Variants in ATP1A4 observed in about 807,000 individuals in gnomAD.
The protein encoded by ATP1A4 is ATPase Na+/K+ transporting subunit alpha 4.
In ATP1A4, 90 loss-of-function variants were observed where a neutral mutation model predicts 114.3. The ratio of observed to expected loss-of-function variants is 0.79; its 90% CI spans 0.66 to 0.94. ATP1A4 has a LOEUF of 0.94. Among genes scored for constraint, ATP1A4 ranks in the 40% least tolerant of loss-of-function variants. The pLI is 0.00. For synonymous variants in ATP1A4, 511 were observed against 494.1 expected, an observed-to-expected ratio of 1.03 and a Z score of -0.45; for missense variants, 1,222 against 1,313.6, an observed-to-expected ratio of 0.93 and a Z score of 1.08.
rs1652768634 is a variant in ATP1A4 at position 160,158,915 on chromosome 1, G to A, written c.526-87G>A. 30 of 1,428,570 alleles carry A rather than the reference G, an allele frequency of 2.1e-5. No individual in the cohort carries two copies. In the South Asian group the frequency reaches 3.9e-4, roughly 19 times the overall value. The allele number at this position is 1,428,570 out of a possible 1,614,324, so 88.5% of individuals were successfully genotyped here. ...AGTAAGAAAGGGGAGTAAGGAGGAG[G>A]GAGACCAATAACAGAAGGTTTTAGG... On this transcript the variant is annotated intron_variant, in intron 4 of 21. Transcript: ENST00000368081.
intron 20 of ATP1A4, 147 bp downstream of exon 20, chr1:160,182,178 T>C (rs1262489829): frequency 1.5e-6 from 1 of 678,000 alleles, no homozygotes; most frequent in Non-Finnish European, 2.6e-6. Context: ...AGGAGAGTCA[T>C]CTGTGCTCTG....
chr1:160,154,942 A>G, intron 2 of ATP1A4, 103 bp from the exon 3 acceptor site: 2 of 1,044,252 alleles, frequency 1.9e-6, no homozygotes, highest in Non-Finnish European at 2.8e-6. Flanking sequence ...AAGCGTCTTT[A>G]GTCTCTAGAC....
intron 2 of ATP1A4, among the ~76,000 whole-genome samples, chr1:160,154,243 A>G (rs994496587): frequency 6.6e-6 from 1 of 152,044 alleles, no homozygotes. Flanking sequence ...AATCTCAGCT[A>G]CTTGGGAGGC....
chr1:160,167,547 CG>C (rs1653086000), intron 10 of ATP1A4, 135 bp downstream of exon 10: 5 of 1,213,866 alleles, frequency 4.1e-6, no homozygotes, highest in Non-Finnish European at 5.9e-6. Flanking sequence ...TCCCAATTAA[CG>C]GAAGACTCAC....
chr1:160,165,486 G>A (rs927224173), intron 7 of ATP1A4, among the ~76,000 whole-genome samples: 65 of 152,204 alleles, frequency 4.3e-4, no homozygotes, highest in Admixed American at 3.9e-4. Flanking sequence ...TCTGCCGGGC[G>A]CGGTGGCTCA....
In ATP1A4 at chr1:160,182,001, T is replaced by C. The variant is rs763745212; in HGVS notation, c.2939T>C (p.Met980Thr). 8 of 1,613,994 alleles carry C rather than the reference T, an allele frequency of 5.0e-6. No homozygotes were observed. The East Asian group carries it at 1.6e-4, about 31-fold the overall frequency. Residue 980 changes from methionine (M) to threonine (T), a missense_variant, in exon 20 of 22, where the codon ATG becomes ACG. Met to Thr is a moderately conservative substitution (Grantham distance 81, BLOSUM62 -1). Transcript: ENST00000368081. ...GCATTTCTGTCCTACACTCCAGGCATGGACGTGGCCCTGCGAATGTACCCA... is the reference window on the plus strand; with the variant it reads ...GCATTTCTGTCCTACACTCCAGGCACGGACGTGGCCCTGCGAATGTACCCA... ...LAAFLSYTPG[M>T]DVALRMYPLK...
At chr1:160,163,085 C>G (rs551388953) in intron 6 of ATP1A4, among the ~76,000 whole-genome samples, 3 of 152,266 alleles carry the variant, frequency 2.0e-5, no homozygotes, top group Admixed American at 2.0e-4. Flanking sequence ...ACAGCTTGCT[C>G]TTTGTGGGAA....
Position 160,159,452 on chromosome 1 carries a change from G to A in ATP1A4, c.704G>A (p.Arg235His), listed in dbSNP as rs757712281. ...SLTGESEPQS[R>H]SPDFTHENPL... is the part of the protein sequence containing the mutation. ...ACTGGGGAGTCAGAACCCCAGAGCC[G>A]CTCCCCTGACTTCACCCATGAGAAC... is the stretch of plus-strand genomic sequence containing the variant. Residue 235 changes from arginine to histidine, a missense_variant, in exon 6 of 22, where the codon CGC becomes CAC. Transcript: ENST00000368081. 3.7e-6 allele frequency: 6 copies of A among 1,613,820 alleles called. No individual in the cohort carries two copies. The highest frequency in any genetic ancestry group is 2.2e-5 in the South Asian group (2 of 91,022).
In ATP1A4 at chr1:160,173,036, G is replaced by A. The variant is rs867185580; in HGVS notation, c.1855-545G>A. Among the ~76,000 whole-genome samples, 20 of 152,246 alleles carry A rather than the reference G, an allele frequency of 1.3e-4. 1 individual carries two copies. The Middle Eastern group carries it at 0.014, about 104-fold the overall frequency. ...GCAAGTGCTGAAATATGGCAGGAACGGAATGCTGTGAAAGCACGTGGCCTG... is the reference window on the plus strand; with the variant it reads ...GCAAGTGCTGAAATATGGCAGGAACAGAATGCTGTGAAAGCACGTGGCCTG... On this transcript the variant is annotated intron_variant, in intron 12 of 21. Coordinates refer to ENST00000368081, the MANE Select transcript of ATP1A4 (RefSeq NM_144699.4).
rs998682376 is a variant in ATP1A4, at chr1:160,177,217, A to C, written c.2591-302A>C. On this transcript the variant is annotated intron_variant, in intron 17 of 21. Transcript: ENST00000368081. ...GATGAACAGAGTAAGATCCTGTCTC[A>C]AAAGAAAAAATTGGGAGAGGGAATC... Among the ~76,000 whole-genome samples the C allele has an allele frequency of 4.9e-4, 74 of 152,170 alleles. 2 individuals carry two copies. Among genetic ancestry groups the C allele is most frequent in the Admixed American group, 3.9e-3 (60 of 15,276 alleles).
intron 3 of ATP1A4, 61 bp downstream of exon 3, chr1:160,155,309 G>T: frequency 6.9e-7 from 1 of 1,451,798 alleles, no homozygotes. Flanking sequence ...ACACTCTTTT[G>T]CTCAGCAGCC....
At chr1:160,171,081 G>C in intron 10 of ATP1A4, 170 bp from the exon 11 acceptor site, 2 of 560,004 alleles carry the variant, frequency 3.6e-6, no homozygotes, top group Non-Finnish European at 6.2e-6. Context: ...TCTGGAAAAA[G>C]GAGGAGGGGC....
In ATP1A4 at chr1:160,156,134, G is replaced by A. The variant is rs1652646149; in HGVS notation, c.501G>A (p.Glu167=). ...AGGCCAAGAGCTCCAAGATCATGGA[G>A]TCTTTTAAGAACATGGTGCCTCAGG... ...YQEAKSSKIM[E]SFKNMVPQQA... Residue 167 remains glutamate, a synonymous_variant, in exon 4 of 22, where the codon GAG becomes GAA. Transcript: ENST00000368081. 6.2e-7 allele frequency: 1 copy of A among 1,613,302 alleles called. No homozygotes were observed. Among genetic ancestry groups the A allele is most frequent in the Non-Finnish European group, 8.5e-7 (1 of 1,179,352 alleles).
chr1:160,154,949 A>T, intron 2 of ATP1A4, 96 bp from the exon 3 acceptor site: 1 of 1,180,832 alleles, frequency 8.5e-7, no homozygotes, highest in Non-Finnish European at 1.2e-6. Context: ...TTTAGTCTCT[A>T]GACCCATTCT....
intron 20 of ATP1A4, 28 bp from the exon 21 acceptor site, chr1:160,186,248 C>A: frequency 6.6e-7 from 1 of 1,505,454 alleles, no homozygotes; most frequent in Non-Finnish European, 9.2e-7. Flanking sequence ...TCTCTCCTGC[C>A]ATGCTGACTG....
In ATP1A4 at chr1:160,151,792, C is replaced by T; in HGVS notation, c.-249C>T. On this transcript the variant is annotated 5_prime_UTR_variant, in exon 1 of 22. Transcript: ENST00000368081. ...TTCTCTCCTCCCTCTTCCCTCACTC[C>T]TGACTCTTCCTCTTCCCAGCGGACG... The T allele has an allele frequency of 2.2e-6, 1 of 448,136 alleles. No individual in the cohort carries two copies. The allele number at this position is 448,136 out of a possible 1,614,324, so 27.8% of individuals were successfully genotyped here. A position where few individuals can be genotyped will look rare whatever the true frequency, so the allele number is the denominator to read the frequency against.
At chr1:160,182,179 C>T (rs1653730812) in intron 20 of ATP1A4, 148 bp downstream of exon 20, 1 of 677,180 alleles carries the variant, frequency 1.5e-6, no homozygotes. Context: ...GGAGAGTCAT[C>T]TGTGCTCTGA....
At position 160,168,444 on chromosome 1, in the gene ATP1A4, G is replaced by A. The variant is rs559204074; in HGVS notation, c.1491+1032G>A. On this transcript the variant is annotated intron_variant, in intron 10 of 21. Transcript: ENST00000368081. ...GTTGCCCAGGCTGGAGTGCAATGGC[G>A]CAATCTTGGCTCACTGCAACCTCCA... Among the ~76,000 whole-genome samples the A allele has an allele frequency of 1.9e-3, 276 of 144,852 alleles. 2 individuals are homozygous for A. Among genetic ancestry groups the A allele is most frequent in the African/African-American group, 6.5e-3 (257 of 39,242 alleles).
chr1:160,176,444 T>C (rs769171797), intron 16 of ATP1A4, 35 bp from the exon 17 acceptor site: 26 of 1,613,446 alleles, frequency 1.6e-5, no homozygotes, highest in Non-Finnish European at 2.1e-5. Flanking sequence ...TTCTGAACTT[T>C]GTGACCCCTG....
Sources: gnomAD v4.1 joint callset for allele counts (sites outside exome capture counted in the v4.1 genomes callset) on GRCh38, gnomAD v4.1.1 for gene constraint, MANE v1.5 for transcripts, NCBI Gene and HGNC (gene_info 2026-07-23, HGNC 2026-07-21) for gene names.